Variants in DBF4B observed in about 807,000 individuals in gnomAD.
DBF4B encodes the protein protein DBF4 homolog B.
Under a neutral mutation model 53.4 loss-of-function variants are expected in DBF4B, and 49 were observed. The observed-to-expected ratio is 0.92, with a 90% confidence interval of 0.73 to 1.16. DBF4B has a LOEUF of 1.16. DBF4B is among the 50% of genes most tolerant of loss of function. The pLI, the probability that DBF4B is intolerant of heterozygous loss-of-function variation, is 0.00. For missense variants in DBF4B, 692 were observed against 775.0 expected (o/e 0.89, Z 1.27); for synonymous variants, 257 against 288.7 (o/e 0.89, Z 1.11).
chr17:44,721,665 G>C lies in DBF4B; in HGVS notation c.83-1215G>C, dbSNP rs143696645. On this transcript the variant is annotated intron_variant, in intron 2 of 13. Transcript: ENST00000315005. ...AGATAGACAATCTATACCAGATAAAGTTTCTTTGGTAGTACTTGCTTTCTT... is the reference window on the plus strand; with the variant it reads ...AGATAGACAATCTATACCAGATAAACTTTCTTTGGTAGTACTTGCTTTCTT... Among the ~76,000 whole-genome samples, 238 of 152,152 alleles carry C rather than the reference G, an allele frequency of 1.6e-3. 1 individual carries two copies. Among genetic ancestry groups the C allele is most frequent in the African/African-American group, 5.5e-3 (230 of 41,502 alleles).
In DBF4B at chr17:44,751,295, G is replaced by A. The variant is rs919696443; in HGVS notation, c.*42G>A. Reference sequence around the variant, plus strand: ...CCTGAGACTTGACCCAGGATGGATGGGTGCTGCTTGATGTGAATGAGGTCC... The same window carrying A: ...CCTGAGACTTGACCCAGGATGGATGAGTGCTGCTTGATGTGAATGAGGTCC... On this transcript the variant is annotated 3_prime_UTR_variant, in exon 14 of 14. Transcript: ENST00000315005. 2.5e-6 allele frequency: 4 copies of A among 1,579,338 alleles called. No individual in the cohort carries two copies. Among genetic ancestry groups the A allele is most frequent in the Non-Finnish European group, 2.6e-6 (3 of 1,163,120 alleles).
At chr17:44,738,012 C>T (rs1035122096) in intron 8 of DBF4B, among the ~76,000 whole-genome samples, 2 of 152,202 alleles carry the variant, frequency 1.3e-5, no homozygotes, top group East Asian at 3.9e-4. Flanking sequence ...CTGCTTTTAG[C>T]AGAAGCCATC....
In DBF4B at chr17:44,750,761, C is replaced by T. The variant is rs374416274; in HGVS notation, c.1356C>T (p.Thr452=). The T allele has an allele frequency of 6.2e-7, 1 of 1,614,196 alleles. No homozygotes were observed. Among genetic ancestry groups the T allele is most frequent in the Admixed American group, 1.7e-5 (1 of 60,034 alleles). ...GCLCPCPASF[T]QSHLVTSLAL... ...TCTGTCCCTGCCCAGCCTCCTTTAC[C>T]CAGTCTCATCTGGTCACTTCCTTGG... The change falls in exon 14 of 14, where the codon ACC becomes ACT. Residue 452 remains threonine, a synonymous_variant. Transcript: ENST00000315005.
rs1973332240 is a variant in DBF4B, at chr17:44,716,303, C to T, written c.83-6577C>T. ...CTAGTTTGTATGTTTTTGTCTTGAG[C>T]TAGTCAGTTCGCTAGAGAAGAGTCC... On this transcript the variant is annotated intron_variant, in intron 2 of 13. Transcript: ENST00000315005. Among the ~76,000 whole-genome samples the T allele has an allele frequency of 2.6e-5, 4 of 152,144 alleles. 1 individual carries two copies. The South Asian group carries it at 8.3e-4, about 31-fold the overall frequency.
At chr17:44,735,462 C>A (rs2145008955) in intron 7 of DBF4B, among the ~76,000 whole-genome samples, 1 of 152,268 alleles carries the variant, frequency 6.6e-6, no homozygotes, top group South Asian at 2.1e-4. Context: ...CGCTTGAGGT[C>A]GGGAGTTTGA....
Position 44,750,946 on chromosome 17 carries a change from C to T in DBF4B, c.1541C>T (p.Pro514Leu). Residue 514 changes from proline (P) to leucine (L), a missense_variant, in exon 14 of 14, where the codon CCT (proline) becomes CTT (leucine). Pro to Leu is a moderately conservative substitution (Grantham distance 98). Transcript: ENST00000315005. ...GCACGCTGCTGGGTTCGTCCCTTTCCTTTTGTGACATGGGGTTGCCTCATT... is the reference window on the plus strand; with the variant it reads ...GCACGCTGCTGGGTTCGTCCCTTTCTTTTTGTGACATGGGGTTGCCTCATT... ...MSARCWVRPFPFVTWGCLIPH... is the reference protein window; with the variant it reads ...MSARCWVRPFLFVTWGCLIPH... 3.1e-6 allele frequency: 5 copies of T among 1,614,208 alleles called. No individual in the cohort carries two copies. Among genetic ancestry groups the T allele is most frequent in the South Asian group, 2.2e-5 (2 of 91,080 alleles).
chr17:44,748,588 G>C lies in DBF4B; in HGVS notation c.1189+123G>C, dbSNP rs1367922749. 3 of 1,541,392 alleles carry C rather than the reference G, an allele frequency of 1.9e-6. No homozygotes were observed. The South Asian group carries it at 3.5e-5, about 18-fold the overall frequency. ...CCTGGGGGTGTCAGTTGATGTGTTTGTGGACCCCCCAGGGATACCAGTGTC... is the reference window on the plus strand; with the variant it reads ...CCTGGGGGTGTCAGTTGATGTGTTTCTGGACCCCCCAGGGATACCAGTGTC... On this transcript the variant is annotated intron_variant, in intron 13 of 13. Coordinates refer to ENST00000315005, the MANE Select transcript of DBF4B (RefSeq NM_145663.3).
At chr17:44,746,372 A>G (rs1264338254) in intron 10 of DBF4B, among the ~76,000 whole-genome samples, 1 of 152,158 alleles carries the variant, frequency 6.6e-6, no homozygotes, top group African/African-American at 2.4e-5. Flanking sequence ...CAGGGTGGAA[A>G]AGAAGAGCAG....
At chr17:44,737,952 G>A (rs1479236030) in intron 8 of DBF4B, among the ~76,000 whole-genome samples, 1 of 152,182 alleles carries the variant, frequency 6.6e-6, no homozygotes, top group Admixed American at 6.5e-5. Context: ...GGCTCCAGAA[G>A]CAAAGGGCTA....
chr17:44,739,346 G>A (rs1975767062), intron 9 of DBF4B, among the ~76,000 whole-genome samples: 1 of 152,228 alleles, frequency 6.6e-6, no homozygotes, highest in South Asian at 2.1e-4. Context: ...ATCCAGCAGA[G>A]ACTACTGAGG....
intron 4 of DBF4B, among the ~76,000 whole-genome samples, chr17:44,730,367 G>A (rs1035869725): frequency 6.6e-6 from 1 of 152,196 alleles, no homozygotes; most frequent in Non-Finnish European, 1.5e-5. Context: ...ATAAACCAGA[G>A]AAGACGTGTT....
intron 3 of DBF4B, among the ~76,000 whole-genome samples, chr17:44,725,684 C>CTTCTTTTTTTT (rs777349094): frequency 4.6e-5 from 4 of 87,646 alleles, no homozygotes; most frequent in African/African-American, 1.4e-4. Context: ...TTTTGTGCTT[C>CTTCTTTTTTTT]TTTTTTTTTT....
rs11441095 is a variant in DBF4B at position 44,721,216 on chromosome 17, TC to T, written c.83-1655del. On this transcript the variant is annotated intron_variant, in intron 2 of 13. Coordinates refer to ENST00000315005, the MANE Select transcript of DBF4B (RefSeq NM_145663.3). ...ATGTCCATTATCTCCAACTAATTCT[TC>T]CCCCCCCCTCCCCTTTTTTGCGACA... 2.0e-4 allele frequency among the ~76,000 whole-genome samples: 24 copies of T among 118,120 alleles called. 2 individuals carry two copies. The highest frequency in any genetic ancestry group is 5.7e-4 in the South Asian group (2 of 3,520). The allele number at this position is 118,120 out of a possible 152,430, so 77.5% of individuals were successfully genotyped here.
chr17:44,747,184 T>G lies in DBF4B; in HGVS notation c.932T>G (p.Leu311Arg), dbSNP rs773660062. 1.9e-6 allele frequency: 3 copies of G among 1,614,062 alleles called. No homozygotes were observed. The change falls in exon 11 of 14, where the codon CTC becomes CGC. Residue 311 changes from leucine to arginine, a missense_variant. This residue lies in a region of DBF4B where 597 missense variants were observed against 665.8 expected (regional missense o/e 0.90). Transcript: ENST00000315005. ...TGCTGTCAGGAGGCCTTCGAGGAGC[T>G]CCATGTGGTGAGCCCCTTCCCCATT... ...CECCQEAFEE[L>R]HVHLQSAQHR...
intron 2 of DBF4B, among the ~76,000 whole-genome samples, chr17:44,717,801 G>T (rs889124738): frequency 1.3e-5 from 2 of 150,856 alleles, no homozygotes; most frequent in African/African-American, 4.9e-5. Flanking sequence ...GATCACTTGA[G>T]CCCAGGAGTT....
intron 5 of DBF4B, chr17:44,731,494 G>T (rs138946061): frequency 1.3e-3 from 222 of 171,680 alleles, no homozygotes; most frequent in African/African-American, 4.8e-3. Flanking sequence ...TCCCCGCTAC[G>T]CAGGTGGCTG....
At position 44,721,056 on chromosome 17, in the gene DBF4B, G is replaced by C. The variant is rs527306301; in HGVS notation, c.83-1824G>C. Reference sequence around the variant, plus strand: ...ATTTTTTGTATTTTTAGTGGAGACGGGGTTTCACCATGTTGGCCAGGCTGG... The same window carrying C: ...ATTTTTTGTATTTTTAGTGGAGACGCGGTTTCACCATGTTGGCCAGGCTGG... On this transcript the variant is annotated intron_variant, in intron 2 of 13. Transcript: ENST00000315005. Among the ~76,000 whole-genome samples, 11 of 151,876 alleles carry C rather than the reference G, an allele frequency of 7.2e-5. No individual in the cohort carries two copies. The South Asian group carries it at 2.3e-3, about 32-fold the overall frequency.
intron 3 of DBF4B, among the ~76,000 whole-genome samples, chr17:44,725,545 C>T (rs1464037283): frequency 2.6e-5 from 4 of 151,962 alleles, no homozygotes; most frequent in Non-Finnish European, 5.9e-5. Flanking sequence ...ACATTTTCAT[C>T]ACCCCAAAAA....
In DBF4B at chr17:44,751,714, C is replaced by G; in HGVS notation, c.*461C>G. On this transcript the variant is annotated 3_prime_UTR_variant, in exon 14 of 14. Coordinates refer to ENST00000315005, the MANE Select transcript of DBF4B (RefSeq NM_145663.3). ...ATACCTACCGCCTCCTCTTCACCTC[C>G]TTCCCTTCCACACTTCCTTCCTGGG... is the stretch of plus-strand genomic sequence containing the variant. The G allele has an allele frequency of 6.9e-7, 1 of 1,440,942 alleles. No homozygotes were observed. The highest frequency in any genetic ancestry group is 1.4e-5 in the South Asian group (1 of 69,570). The allele number at this position is 1,440,942 out of a possible 1,614,324, so 89.3% of individuals were successfully genotyped here. A position where few individuals can be genotyped will look rare whatever the true frequency, so the allele number is the denominator to read the frequency against.
Sources: allele counts gnomAD v4.1 joint callset (sites outside exome capture counted in the v4.1 genomes callset), GRCh38; gene constraint gnomAD v4.1.1; regional missense constraint gnomAD v4.1.1; transcripts MANE v1.5; gene names NCBI Gene and HGNC (gene_info 2026-07-23, HGNC 2026-07-21).